Variants in IRF8 observed in about 807,000 individuals in gnomAD.
IRF8 encodes the protein interferon regulatory factor 8.
A neutral mutation model predicts 48.7 loss-of-function variants in IRF8; 14 were observed. The observed-to-expected ratio is 0.29, with a 90% CI of 0.19 to 0.45. The LOEUF (loss-of-function observed/expected upper bound fraction) is 0.45, where lower values mean the gene tolerates loss of function less well. Among genes scored for constraint, IRF8 ranks in the 20% least tolerant of loss-of-function variants. IRF8 has a pLI of 1.00. For missense variants in IRF8, 493 were observed against 580.7 expected, an observed-to-expected ratio of 0.85 and a Z score of 1.55; for synonymous variants, 278 against 227.3, an observed-to-expected ratio of 1.22 and a Z score of -2.01.
At chr16:85,916,419 C>A (rs1489031753) in intron 6 of IRF8, among the ~76,000 whole-genome samples, 1 of 152,208 alleles carries the variant, frequency 6.6e-6, no homozygotes, top group Non-Finnish European at 1.5e-5. Flanking sequence ...TCTATAAGGG[C>A]AGGGCTGGGT....
chr16:85,916,689 C>T (rs1905319057), intron 6 of IRF8, among the ~76,000 whole-genome samples: 1 of 152,134 alleles, frequency 6.6e-6, no homozygotes, highest in Non-Finnish European at 1.5e-5. Context: ...GGCAAAGGGC[C>T]AAAGGGGTGA....
intron 4 of IRF8, among the ~76,000 whole-genome samples, chr16:85,912,847 G>A (rs1010022874): frequency 2.0e-5 from 3 of 152,152 alleles, no homozygotes; most frequent in African/African-American, 7.2e-5. Context: ...TGGATAATCT[G>A]GAACACTGGG....
intron 8 of IRF8, among the ~76,000 whole-genome samples, 180 bp downstream of exon 8, chr16:85,920,404 G>A (rs1045211962): frequency 5.9e-5 from 9 of 152,028 alleles, no homozygotes; most frequent in Admixed American, 3.3e-4. Flanking sequence ...GTGCCACCAC[G>A]CTCAGCTAAT....
At chr16:85,910,339 T>C (rs1315513517) in intron 3 of IRF8, among the ~76,000 whole-genome samples, 7 of 152,196 alleles carry the variant, frequency 4.6e-5, no homozygotes, top group Admixed American at 4.6e-4. Flanking sequence ...GCGTGAACCC[T>C]AGTCAATACT....
At position 85,920,138 on chromosome 16, in the gene IRF8, C is replaced by G. The variant is rs765523642; in HGVS notation, c.1018C>G (p.Arg340Gly). The change falls in exon 8 of 9, where the codon CGG becomes GGG. Residue 340 changes from arginine (R) to glycine (G), a missense_variant. Arg to Gly is a moderately radical substitution (Grantham distance 125). Transcript: ENST00000268638. ...GCAGCAGTTCTATAACAGCCAGGGCCGGCTTCCTGACGGCAGGGTGGTGCT... is the reference window on the plus strand; with the variant it reads ...GCAGCAGTTCTATAACAGCCAGGGCGGGCTTCCTGACGGCAGGGTGGTGCT... Reference protein sequence around the residue: ...ELQQFYNSQGRLPDGRVVLCF... With the variant: ...ELQQFYNSQGGLPDGRVVLCF... 1 of 1,613,174 alleles carries G rather than the reference C, an allele frequency of 6.2e-7. No homozygotes were observed. The highest frequency in any genetic ancestry group is 1.3e-5 in the African/African-American group (1 of 74,852).
At chr16:85,905,977 G>A (rs1270877207) in intron 2 of IRF8, among the ~76,000 whole-genome samples, 2 of 152,070 alleles carry the variant, frequency 1.3e-5, no homozygotes, top group Admixed American at 1.3e-4. Context: ...ATTTTGTACC[G>A]ACCCTGAGTA....
rs764958679 is a variant in IRF8 at position 85,903,060 on chromosome 16, C to T, written c.45C>T (p.Ile15=). The change falls in exon 2 of 9, where the codon ATC becomes ATT. Residue 15 remains isoleucine, a synonymous_variant. Coordinates refer to ENST00000268638, the MANE Select transcript of IRF8 (RefSeq NM_002163.4). Reference sequence around the variant, plus strand: ...GTCGGCGGCTTCGACAGTGGCTGATCGAGCAGATTGACAGTAGCATGTATC... The same window carrying T: ...GTCGGCGGCTTCGACAGTGGCTGATTGAGCAGATTGACAGTAGCATGTATC... ...NGGRRLRQWL[I]EQIDSSMYPG... 28 of 1,614,042 alleles carry T rather than the reference C, an allele frequency of 1.7e-5. No individual in the cohort carries two copies. The Admixed American group carries it at 2.7e-4, about 15-fold the overall frequency.
chr16:85,912,888 A>G (rs11863590), intron 4 of IRF8, among the ~76,000 whole-genome samples: 34,114 of 152,222 alleles, frequency 0.22, 4,016 homozygotes, highest in East Asian at 0.42. Flanking sequence ...GAAAGGGCCA[A>G]GAAACTTATT....
At chr16:85,900,662 T>A (rs1904800034) in intron 1 of IRF8, among the ~76,000 whole-genome samples, 2 of 152,236 alleles carry the variant, frequency 1.3e-5, no homozygotes, top group African/African-American at 2.4e-5. Flanking sequence ...GCCTCGGTAT[T>A]TGCCGTGCCT....
At position 85,920,201 on chromosome 16, in the gene IRF8, C is replaced by G. The variant is rs771773479; in HGVS notation, c.1081C>G (p.Arg361Gly). The stretch of plus-strand genomic sequence containing the variant: ...AGAGTTTCCGGATATGGCCCCCTTG[C>G]GCTCCAAACTCATTCTCGTGCAGGT... ...GEEFPDMAPL[R>G]SKLILVQIEQ... The change falls in exon 8 of 9, where the codon CGC becomes GGC. Residue 361 changes from arginine to glycine, a missense_variant. Around this residue, in one of 3 missense-constraint regions of IRF8, gnomAD observed 408 missense variants for 449.6 expected, o/e 0.91. Coordinates refer to ENST00000268638, the MANE Select transcript of IRF8 (RefSeq NM_002163.4). 6.5e-7 allele frequency: 1 copy of G among 1,549,496 alleles called. No individual in the cohort carries two copies. Among genetic ancestry groups the G allele is most frequent in the African/African-American group, 1.4e-5 (1 of 72,790 alleles).
intron 2 of IRF8, chr16:85,903,494 C>A (rs1454735334): frequency 2.5e-6 from 1 of 396,406 alleles, no homozygotes; most frequent in South Asian, 2.2e-5. Context: ...TACTTCGAGA[C>A]CTTCACGCTA....
chr16:85,918,629 G>A lies in IRF8; in HGVS notation c.814G>A (p.Gly272Arg), dbSNP rs1905412024. The change falls in exon 7 of 9, where the codon GGG becomes AGG. Residue 272 changes from glycine to arginine, a missense_variant. Physicochemically the swap from Gly to Arg is moderately radical, Grantham distance 125 (BLOSUM62 -2). Coordinates refer to ENST00000268638, the MANE Select transcript of IRF8 (RefSeq NM_002163.4). ...GAGGCAGGTGACGCGGAAGCTGTTC[G>A]GGCACCTGGAGCGCGGGGTGCTGCT... ...RQRQVTRKLF[G>R]HLERGVLLHS... is the part of the protein sequence containing the mutation. 6.2e-7 allele frequency: 1 copy of A among 1,608,442 alleles called. No homozygotes were observed. Among genetic ancestry groups the A allele is most frequent in the Non-Finnish European group, 8.5e-7 (1 of 1,179,548 alleles).
rs536042307 is a variant in IRF8, at chr16:85,919,994, G to T, written c.989-115G>T. 10 of 787,712 alleles carry T rather than the reference G, an allele frequency of 1.3e-5. No homozygotes were observed. In the East Asian group the frequency reaches 2.7e-4, roughly 21 times the overall value. The allele number at this position is 787,712 out of a possible 1,614,324, so 48.8% of individuals were successfully genotyped here. On this transcript the variant is annotated intron_variant, in intron 7 of 8. Transcript: ENST00000268638. ...GGCCACCAGTTTGAGATCCCATGGTGCCCTGGCCTAAATGCTACAAGCCCT... is the reference window on the plus strand; with the variant it reads ...GGCCACCAGTTTGAGATCCCATGGTTCCCTGGCCTAAATGCTACAAGCCCT...
At chr16:85,906,283 A>T (rs1904998793) in intron 2 of IRF8, among the ~76,000 whole-genome samples, 1 of 152,252 alleles carries the variant, frequency 6.6e-6, no homozygotes, top group Admixed American at 6.5e-5. Flanking sequence ...TTGTGCGTCA[A>T]CAGGAGAAAT....
At chr16:85,914,433 C>A in intron 5 of IRF8, 40 bp from the exon 6 acceptor site, 2 of 1,613,832 alleles carry the variant, frequency 1.2e-6, no homozygotes, top group Non-Finnish European at 1.7e-6. Flanking sequence ...GTACACCACA[C>A]CTGGGTGGCT....
intron 1 of IRF8, among the ~76,000 whole-genome samples, chr16:85,899,510 A>C (rs1904754654): frequency 1.3e-5 from 2 of 152,328 alleles, no homozygotes; most frequent in South Asian, 2.1e-4. Flanking sequence ...GGAAAACGTT[A>C]GGAGAGCTCA....
chr16:85,899,801 A>G (rs967942902), intron 1 of IRF8, among the ~76,000 whole-genome samples: 2 of 152,238 alleles, frequency 1.3e-5, no homozygotes, highest in African/African-American at 4.8e-5. Context: ...AGCTCACAAA[A>G]GCATTGTTTG....
At chr16:85,907,521 T>TA (rs1905039400) in intron 2 of IRF8, among the ~76,000 whole-genome samples, 1 of 151,990 alleles carries the variant, frequency 6.6e-6, no homozygotes, top group South Asian at 2.1e-4. Context: ...GTACTAAAAA[T>TA]ACAAAAATTA....
intron 5 of IRF8, chr16:85,914,184 G>A: frequency 2.1e-6 from 1 of 476,936 alleles, no homozygotes; most frequent in South Asian, 2.0e-5. Context: ...AAGTGCTTGA[G>A]GTGGGAAGGA....
Sources: gnomAD v4.1 joint callset for allele counts (sites outside exome capture counted in the v4.1 genomes callset) on GRCh38, gnomAD v4.1.1 for gene constraint, gnomAD v4.1.1 regional missense constraint, MANE v1.5 for transcripts, NCBI Gene and HGNC (gene_info 2026-07-23, HGNC 2026-07-21) for gene names.